The following DLG2 variants were observed in gnomAD, a reference collection of about 807,000 sequenced individuals.
DLG2 encodes disks large homolog 2.
In DLG2, 45 loss-of-function variants were observed where a neutral mutation model predicts 132.5. The ratio of observed to expected loss-of-function variants is 0.34; its 90% CI spans 0.27 to 0.44. The LOEUF (loss-of-function observed/expected upper bound fraction) is 0.44, where lower values mean the gene tolerates loss of function less well. DLG2 is among the 20% of genes least tolerant of loss of function. The pLI is 1.00. For synonymous variants in DLG2, 424 were observed against 419.6 expected (o/e 1.01, Z -0.13); for missense variants, 1,045 against 1,196.9 (o/e 0.87, Z 1.87).
intron 3 of DLG2, among the ~76,000 whole-genome samples, chr11:85,563,299 C>G (rs543521946): frequency 2.6e-5 from 4 of 151,636 alleles, no homozygotes; most frequent in Admixed American, 2.6e-4. Context: ...GTCATGTAAC[C>G]AACACAACAA....
intron 7 of DLG2, among the ~76,000 whole-genome samples, chr11:84,434,891 G>C (rs1462444740): frequency 7.2e-6 from 1 of 138,228 alleles, no homozygotes; most frequent in African/African-American, 2.8e-5. Context: ...TTTTATTAGA[G>C]TGTGAAGAAA....
At chr11:84,149,233 T>A (rs1449616563) in intron 9 of DLG2, among the ~76,000 whole-genome samples, 5 of 152,162 alleles carry the variant, frequency 3.3e-5, no homozygotes, top group Non-Finnish European at 5.9e-5. Context: ...TAGGTCCCGT[T>A]TGTCAATTTT....
chr11:85,506,066 T>A (rs750415003), intron 3 of DLG2, among the ~76,000 whole-genome samples: 12 of 152,212 alleles, frequency 7.9e-5, no homozygotes, highest in Non-Finnish European at 1.8e-4. Flanking sequence ...AGTGGTGATA[T>A]CCCCTTTATC....
At chr11:85,278,429 C>A (rs746483378) in intron 4 of DLG2, among the ~76,000 whole-genome samples, 2 of 152,026 alleles carry the variant, frequency 1.3e-5, no homozygotes, top group Non-Finnish European at 2.9e-5. Context: ...TGGTGAAACC[C>A]GTCTGTACTA....
At chr11:83,942,726 T>G (rs1469320742) in intron 14 of DLG2, among the ~76,000 whole-genome samples, 1 of 152,240 alleles carries the variant, frequency 6.6e-6, no homozygotes, top group Non-Finnish European at 1.5e-5. Context: ...TTTTTTTTTG[T>G]ATTTTAAATT....
At chr11:84,974,875 A>C (rs1322151315) in intron 6 of DLG2, among the ~76,000 whole-genome samples, 2 of 152,386 alleles carry the variant, frequency 1.3e-5, no homozygotes, top group East Asian at 1.9e-4. Flanking sequence ...AAAATAAACA[A>C]GGGCAACCTT....
chr11:85,049,815 T>C (rs562063788), intron 6 of DLG2, among the ~76,000 whole-genome samples: 1 of 152,146 alleles, frequency 6.6e-6, no homozygotes, highest in East Asian at 1.9e-4. Context: ...GTAAGGTTTA[T>C]AACCAAAACT....
intron 6 of DLG2, among the ~76,000 whole-genome samples, chr11:84,928,388 A>G (rs2154089634): frequency 6.6e-6 from 1 of 152,132 alleles, no homozygotes; most frequent in South Asian, 2.1e-4. Flanking sequence ...TGTAAAATAA[A>G]GGTAACAAAT....
intron 6 of DLG2, among the ~76,000 whole-genome samples, chr11:84,772,261 T>C (rs917887682): frequency 2.6e-5 from 4 of 152,140 alleles, no homozygotes; most frequent in African/African-American, 9.7e-5. Context: ...CCTAAATATA[T>C]ATGCACTCAG....
Position 84,448,822 on chromosome 11 carries a change from A to G in DLG2, c.519+85748T>C, listed in dbSNP as rs149887739. ...AGTAACATACCTTATTTATTTTCGT[A>G]TCCTCGGAGACCTACATAGTCCTCC... On this transcript the variant is annotated intron_variant, in intron 7 of 27. Transcript: ENST00000376104. 1.4e-3 allele frequency among the ~76,000 whole-genome samples: 219 copies of G among 152,140 alleles called. 1 individual carries two copies. The highest frequency in any genetic ancestry group is 5.1e-3 in the African/African-American group (212 of 41,564).
chr11:83,665,821 G>A (rs575391041), intron 18 of DLG2, among the ~76,000 whole-genome samples: 11 of 152,042 alleles, frequency 7.2e-5, no homozygotes, highest in Middle Eastern at 3.4e-3. Context: ...CGGGGAATGC[G>A]TTACAATAGG....
At chr11:85,010,919 G>C (rs1360844749) in intron 6 of DLG2, among the ~76,000 whole-genome samples, 1 of 152,084 alleles carries the variant, frequency 6.6e-6, no homozygotes, top group East Asian at 1.9e-4. Context: ...AGAAATTTTA[G>C]AATTAGAAAA....
intron 26 of DLG2, among the ~76,000 whole-genome samples, chr11:83,462,327 AAT>A (rs150196311): frequency 0.01 from 1,579 of 152,328 alleles, 65 homozygotes; most frequent in Admixed American, 0.062. Flanking sequence ...ATTGAAGCCA[AAT>A]ATGTCTCCTT....
intron 7 of DLG2, among the ~76,000 whole-genome samples, chr11:84,497,192 C>T (rs1262035759): frequency 6.6e-6 from 1 of 152,130 alleles, no homozygotes; most frequent in Non-Finnish European, 1.5e-5. Flanking sequence ...GTCCCTTCCT[C>T]CCTCTTCCCA....
At chr11:84,410,806 C>CT (rs1306665793) in intron 7 of DLG2, among the ~76,000 whole-genome samples, 3 of 152,064 alleles carry the variant, frequency 2.0e-5, no homozygotes, top group Non-Finnish European at 4.4e-5. Flanking sequence ...TCTCGATCTG[C>CT]TGATCTCAGG....
At chr11:85,306,187 C>A (rs2152801551) in intron 3 of DLG2, among the ~76,000 whole-genome samples, 1 of 152,278 alleles carries the variant, frequency 6.6e-6, no homozygotes, top group South Asian at 2.1e-4. Flanking sequence ...AGTTTACCTC[C>A]CCTTCTCCTG....
At chr11:84,896,198 T>C (rs978529846) in intron 6 of DLG2, among the ~76,000 whole-genome samples, 8 of 152,080 alleles carry the variant, frequency 5.3e-5, no homozygotes, top group Admixed American at 4.6e-4. Context: ...GAAAATATGA[T>C]CTTTAATATA....
chr11:84,546,644 C>A, intron 6 of DLG2: 1 of 531,622 alleles, frequency 1.9e-6, no homozygotes. Flanking sequence ...CTGCATCCAC[C>A]TCCTCCACAG....
At chr11:84,799,399 G>C (rs1481911637) in intron 6 of DLG2, among the ~76,000 whole-genome samples, 1 of 152,162 alleles carries the variant, frequency 6.6e-6, no homozygotes, top group Non-Finnish European at 1.5e-5. Flanking sequence ...GCTGCCGGAG[G>C]TTGGAAGAGG....
Sources: gnomAD v4.1 joint callset for allele counts (sites outside exome capture counted in the v4.1 genomes callset) on GRCh38, gnomAD v4.1.1 for gene constraint, MANE v1.5 for transcripts, NCBI Gene and HGNC (gene_info 2026-07-23, HGNC 2026-07-21) for gene names.